The following CA10 variants were observed in gnomAD, a reference collection of about 807,000 sequenced individuals.
CA10 encodes the protein carbonic anhydrase-related protein 10.
A neutral mutation model predicts 44.2 loss-of-function variants in CA10; 14 were observed. The observed-to-expected ratio is 0.32, with a 90% CI of 0.21 to 0.50. CA10 has a LOEUF of 0.50. Ranked by LOEUF, CA10 falls within the 20% of genes least tolerant of loss-of-function variation. CA10 has a pLI of 0.99. For missense variants in CA10, 350 were observed against 409.7 expected, an observed-to-expected ratio of 0.85 and a Z score of 1.26; for synonymous variants, 159 against 141.6, an observed-to-expected ratio of 1.12 and a Z score of -0.87.
chr17:51,859,047 A>C (rs1386662907), intron 3 of CA10, among the ~76,000 whole-genome samples: 1 of 151,586 alleles, frequency 6.6e-6, no homozygotes, highest in Non-Finnish European at 1.5e-5. Flanking sequence ...AATGTTAGTT[A>C]ATTATTAATT....
chr17:52,082,035 ATTAC>A (rs147499022), intron 1 of CA10, among the ~76,000 whole-genome samples: 80,204 of 151,382 alleles, frequency 0.53, 22,292 homozygotes, highest in African/African-American at 0.69. Context: ...ATATTTTGCT[ATTAC>A]TTCTCTCTCC....
intron 2 of CA10, among the ~76,000 whole-genome samples, chr17:52,001,048 A>G (rs1454249275): frequency 1.3e-5 from 2 of 150,968 alleles, no homozygotes; most frequent in African/African-American, 4.9e-5. Context: ...TGTACTGAGC[A>G]CTCTTTTTGT....
intron 3 of CA10, among the ~76,000 whole-genome samples, chr17:51,823,067 C>T (rs992414026): frequency 8.5e-5 from 13 of 152,274 alleles, no homozygotes; most frequent in African/African-American, 2.4e-4. Flanking sequence ...ACCTGGGCAG[C>T]GCTTTATTTA....
In CA10 at chr17:51,666,923, G is replaced by T. The variant is rs559901316; in HGVS notation, c.466-13187C>A. 3.3e-5 allele frequency among the ~76,000 whole-genome samples: 5 copies of T among 152,286 alleles called. No homozygotes were observed. The South Asian group carries it at 1.0e-3, about 32-fold the overall frequency. On this transcript the variant is annotated intron_variant, in intron 4 of 8. Transcript: ENST00000451037. The stretch of plus-strand genomic sequence containing the variant: ...TTTTGGCAAGCACAGGAAAGTATTA[G>T]CTTATTCCAAGAAACAAGACACATT...
At chr17:51,973,524 TAG>T (rs1371973134) in intron 2 of CA10, among the ~76,000 whole-genome samples, 3 of 152,194 alleles carry the variant, frequency 2.0e-5, no homozygotes, top group Admixed American at 6.5e-5. Flanking sequence ...GTGAGCTGAA[TAG>T]AGTTTCTGAA....
chr17:52,132,420 C>A (rs1989262455), intron 1 of CA10, among the ~76,000 whole-genome samples: 2 of 152,096 alleles, frequency 1.3e-5, no homozygotes, highest in African/African-American at 4.8e-5. Flanking sequence ...AATCCCAGTG[C>A]CACAGAGTGC....
At chr17:52,143,411 T>C (rs1989521862) in intron 1 of CA10, among the ~76,000 whole-genome samples, 1 of 152,224 alleles carries the variant, frequency 6.6e-6, no homozygotes, top group South Asian at 2.1e-4. Context: ...TATGGTTATG[T>C]GATTATAAGT....
chr17:52,083,782 A>G (rs373686547), intron 1 of CA10, among the ~76,000 whole-genome samples: 2 of 152,168 alleles, frequency 1.3e-5, no homozygotes, highest in African/African-American at 2.4e-5. Context: ...CACGGTATGG[A>G]TATACCCCAT....
At chr17:51,947,453 G>A (rs1983326262) in intron 2 of CA10, among the ~76,000 whole-genome samples, 1 of 152,056 alleles carries the variant, frequency 6.6e-6, no homozygotes, top group African/African-American at 2.4e-5. Flanking sequence ...TTAGTGCTGT[G>A]CAAATATTTC....
Position 51,692,603 on chromosome 17 carries a change from A to C in CA10, c.466-38867T>G, listed in dbSNP as rs184243694. On this transcript the variant is annotated intron_variant, in intron 4 of 8. Transcript: ENST00000451037. Reference sequence around the variant, plus strand: ...TTGCATAAATGCAGTGAAAGTGAACATCCTTGTCTTGTTCCAGCTCTCATT... The same window carrying C: ...TTGCATAAATGCAGTGAAAGTGAACCTCCTTGTCTTGTTCCAGCTCTCATT... Among the ~76,000 whole-genome samples, 377 of 152,260 alleles carry C rather than the reference A, an allele frequency of 2.5e-3. 2 individuals are homozygous for C. The highest frequency in any genetic ancestry group is 7.5e-3 in the African/African-American group (311 of 41,540).
At chr17:51,817,839 G>A (rs1307320425) in intron 3 of CA10, among the ~76,000 whole-genome samples, 1 of 152,086 alleles carries the variant, frequency 6.6e-6, no homozygotes, top group Non-Finnish European at 1.5e-5. Context: ...AGGGGTTAAG[G>A]GAATATAGGA....
At chr17:51,717,713 A>ATG (rs1452604056) in intron 4 of CA10, among the ~76,000 whole-genome samples, 2,216 of 28,696 alleles carry the variant, frequency 0.077, 354 homozygotes, top group Non-Finnish European at 0.1. Context: ...ATATATACAT[A>ATG]TATACGTATA....
At chr17:51,922,792 T>C (rs1197071324) in intron 3 of CA10, among the ~76,000 whole-genome samples, 1 of 152,172 alleles carries the variant, frequency 6.6e-6, no homozygotes, top group Non-Finnish European at 1.5e-5. Flanking sequence ...AGTTTTCATA[T>C]CCATGTCTGA....
At chr17:51,857,974 G>A (rs1039285861) in intron 3 of CA10, among the ~76,000 whole-genome samples, 2 of 152,112 alleles carry the variant, frequency 1.3e-5, no homozygotes, top group African/African-American at 4.8e-5. Flanking sequence ...CCCACTGTCT[G>A]AAATTCAGGG....
At chr17:51,937,034 A>G (rs1398869429) in intron 2 of CA10, among the ~76,000 whole-genome samples, 1 of 152,146 alleles carries the variant, frequency 6.6e-6, no homozygotes, top group Non-Finnish European at 1.5e-5. Context: ...ATTTTCATGA[A>G]GACACTCAGC....
chr17:51,988,916 C>A (rs1984939346), intron 2 of CA10, among the ~76,000 whole-genome samples: 3 of 151,968 alleles, frequency 2.0e-5, no homozygotes, highest in Non-Finnish European at 4.4e-5. Context: ...AGCTATTTCA[C>A]CTTTTTTTGG....
At chr17:51,661,457 T>G (rs1461299040) in intron 4 of CA10, 2 of 152,178 alleles carry the variant, frequency 1.3e-5, no homozygotes, top group Non-Finnish European at 2.9e-5. Flanking sequence ...AGCAAGTCTC[T>G]CATCTATAAG....
At chr17:52,144,660 C>A (rs1989546667) in intron 1 of CA10, among the ~76,000 whole-genome samples, 1 of 152,196 alleles carries the variant, frequency 6.6e-6, no homozygotes, top group Non-Finnish European at 1.5e-5. Flanking sequence ...ATTCAACCAA[C>A]CTTAACTGAT....
At chr17:52,016,386 G>A (rs1985968442) in intron 2 of CA10, among the ~76,000 whole-genome samples, 1 of 152,122 alleles carries the variant, frequency 6.6e-6, no homozygotes, top group South Asian at 2.1e-4. Context: ...AGATTGCTGG[G>A]AATTTCAATC....
Sources: allele counts gnomAD v4.1 joint callset (sites outside exome capture counted in the v4.1 genomes callset), GRCh38; gene constraint gnomAD v4.1.1; transcripts MANE v1.5; gene names NCBI Gene and HGNC (gene_info 2026-07-23, HGNC 2026-07-21).